SEMA3D: variants seen among roughly 807,000 people sequenced by gnomAD.
The protein encoded by SEMA3D is semaphorin-3D.
SEMA3D carries 84 observed loss-of-function variants against 100.1 expected under a neutral mutation model. That is an observed-to-expected ratio of 0.84 (90% confidence interval 0.70 to 1.01). The LOEUF (loss-of-function observed/expected upper bound fraction) is 1.01. Among genes scored for constraint, SEMA3D ranks in the 50% least tolerant of loss-of-function variants. The pLI, the probability that SEMA3D is intolerant of heterozygous loss-of-function variation, is 0.00. For synonymous variants in SEMA3D, 312 were observed against 320.7 expected, an observed-to-expected ratio of 0.97 and a Z score of 0.29; for missense variants, 875 against 934.1, an observed-to-expected ratio of 0.94 and a Z score of 0.82.
chr7:85,067,542 G>GA (rs11374190), intron 7 of SEMA3D, among the ~76,000 whole-genome samples: 43,013 of 152,024 alleles, frequency 0.28, 10,369 homozygotes, highest in African/African-American at 0.67. Flanking sequence ...CTGAAGTCAT[G>GA]ACCAAACCAA....
chr7:85,069,085 G>A (rs943201808), intron 6 of SEMA3D, among the ~76,000 whole-genome samples: 7 of 152,078 alleles, frequency 4.6e-5, no homozygotes, highest in Non-Finnish European at 1.5e-5. Context: ...CAGCAGAAAG[G>A]ATGATGACTC....
At chr7:85,141,517 C>G in intron 2 of SEMA3D, 2 of 984,938 alleles carry the variant, frequency 2.0e-6, no homozygotes, top group Non-Finnish European at 2.4e-6. Context: ...GATCACTGCC[C>G]TACATGAATG....
At chr7:85,007,009 G>A in intron 17 of SEMA3D, 68 bp from the exon 18 acceptor site, 3 of 1,214,568 alleles carry the variant, frequency 2.5e-6, no homozygotes, top group Non-Finnish European at 3.5e-6. Flanking sequence ...AAAACAGACT[G>A]ATTCAGAACA....
the SEMA3D span, among the ~76,000 whole-genome samples, chr7:85,220,802 C>A: frequency 6.6e-6 from 1 of 152,214 alleles, no homozygotes; most frequent in South Asian, 2.1e-4. Context: ...CTCATTGTTT[C>A]TTTGATCCAA....
chr7:85,155,963 TC>T (rs1019545006), intron 1 of SEMA3D, among the ~76,000 whole-genome samples: 70 of 152,282 alleles, frequency 4.6e-4, no homozygotes, highest in African/African-American at 1.3e-3. Flanking sequence ...CACTGGCCTA[TC>T]CAATTATTAA....
At chr7:85,198,232 T>C in the SEMA3D span, among the ~76,000 whole-genome samples, 1 of 152,122 alleles carries the variant, frequency 6.6e-6, no homozygotes, top group Non-Finnish European at 1.5e-5. Flanking sequence ...ACAGGTTTTG[T>C]CTGTTTCTTA....
the SEMA3D span, among the ~76,000 whole-genome samples, chr7:85,240,082 C>G: frequency 6.6e-6 from 1 of 152,018 alleles, no homozygotes; most frequent in African/African-American, 2.4e-5. Flanking sequence ...ACATCCTTGT[C>G]TTTTTCTTGA....
At chr7:85,218,930 T>A in the SEMA3D span, among the ~76,000 whole-genome samples, 1 of 152,142 alleles carries the variant, frequency 6.6e-6, no homozygotes, top group Admixed American at 6.6e-5. Flanking sequence ...ATTTAATGTA[T>A]CACTCAAGTT....
intron 1 of SEMA3D, among the ~76,000 whole-genome samples, chr7:85,185,359 C>T (rs1351065313): frequency 6.6e-6 from 1 of 152,046 alleles, no homozygotes; most frequent in Non-Finnish European, 1.5e-5. Flanking sequence ...CCCGCCATCC[C>T]CCGCTAGCGC....
At chr7:85,028,384 CAAAAA>C (rs61589019) in intron 12 of SEMA3D, 2,041 of 182,580 alleles carry the variant, frequency 0.011, no homozygotes, top group South Asian at 0.018. Flanking sequence ...ACAGTTTAGA[CAAAAA>C]AAAAAAAAAA....
In SEMA3D at chr7:85,015,177, G is replaced by A. The variant is rs1257058563; in HGVS notation, c.1585C>T (p.Leu529Phe). ...YIGSRDGLVQLSLHRCDTYGK... is the reference protein window; with the variant it reads ...YIGSRDGLVQFSLHRCDTYGK... ...TAAGTGTCGCATCTGTGCAAGGAGAGCTGAACCAATCCATCTCGGGAACCA... is the reference window on the plus strand; with the variant it reads ...TAAGTGTCGCATCTGTGCAAGGAGAACTGAACCAATCCATCTCGGGAACCA... The change falls in exon 16 of 19, where the codon CTC (leucine) becomes TTC (phenylalanine). Residue 529 changes from leucine (L) to phenylalanine (F), a missense_variant. By Grantham distance (22) the Leu-to-Phe change is conservative (BLOSUM62 0). Transcript: ENST00000284136. 1 of 1,611,426 alleles carries A rather than the reference G, an allele frequency of 6.2e-7. No homozygotes were observed. The highest frequency in any genetic ancestry group is 8.5e-7 in the Non-Finnish European group (1 of 1,178,228).
chr7:85,073,043 AT>A lies in SEMA3D; in HGVS notation c.413del (p.Tyr138LeufsTer34). The A allele has an allele frequency of 6.2e-7, 1 of 1,612,606 alleles. No individual in the cohort carries two copies. On this transcript the variant is annotated frameshift_variant, in exon 6 of 19. Coordinates refer to ENST00000284136, the MANE Select transcript of SEMA3D (RefSeq NM_001384900.1). LOFTEE classifies it high-confidence loss of function. ...CANFIRVLQP[Y>X]NKTHIYVCGT... ...CACACACATATATGTGAGTTTTGTT[AT>A]AGGGCTGAAGTACTCTGATGAAATT...
At position 84,998,953 on chromosome 7, in the gene SEMA3D, T is replaced by C. The variant is rs1437102641; in HGVS notation, c.*487A>G. Reference sequence around the variant, plus strand: ...GAATGGCTCACTGAGAAAGTTCCTGTTGATAATGGGAGTTGTCTTAATTTG... The same window carrying C: ...GAATGGCTCACTGAGAAAGTTCCTGCTGATAATGGGAGTTGTCTTAATTTG... On this transcript the variant is annotated 3_prime_UTR_variant, in exon 19 of 19. Coordinates refer to ENST00000284136, the MANE Select transcript of SEMA3D (RefSeq NM_001384900.1). 2 of 157,218 alleles carry C rather than the reference T, an allele frequency of 1.3e-5. No individual in the cohort carries two copies. The highest frequency in any genetic ancestry group is 4.8e-5 in the African/African-American group (2 of 41,474). The allele number at this position is 157,218 out of a possible 1,614,324, so 9.7% of individuals were successfully genotyped here. A position where few individuals can be genotyped will look rare whatever the true frequency, so the allele number is the denominator to read the frequency against.
In SEMA3D at chr7:85,015,045, C is replaced by T. The variant is rs1299831008; in HGVS notation, c.1703+14G>A. ...AGAAAGGAAGCCTTTATATTAACTC[C>T]ATGTGCCTCTTACCTTTTAGAAGTA... On this transcript the variant is annotated intron_variant, in intron 16 of 18. Coordinates refer to ENST00000284136, the MANE Select transcript of SEMA3D (RefSeq NM_001384900.1). The T allele has an allele frequency of 3.1e-6, 5 of 1,604,544 alleles. No individual in the cohort carries two copies. Among genetic ancestry groups the T allele is most frequent in the East Asian group, 2.2e-5 (1 of 44,656 alleles).
chr7:85,149,736 G>A (rs1790313328), intron 2 of SEMA3D, among the ~76,000 whole-genome samples: 2 of 152,090 alleles, frequency 1.3e-5, no homozygotes, highest in Admixed American at 1.3e-4. Flanking sequence ...TCTCAATTAA[G>A]ATTCAGGGGC....
chr7:85,244,948 G>C, the SEMA3D span, among the ~76,000 whole-genome samples: 1 of 152,068 alleles, frequency 6.6e-6, no homozygotes, highest in Non-Finnish European at 1.5e-5. Context: ...CTGACCTTGT[G>C]ATCTGCCCAC....
Position 85,107,989 on chromosome 7 carries a change from A to G in SEMA3D, c.152-10024T>C, listed in dbSNP as rs1005085884. Among the ~76,000 whole-genome samples the G allele has an allele frequency of 4.6e-5, 7 of 152,024 alleles. 1 individual carries two copies. Among genetic ancestry groups the G allele is most frequent in the Admixed American group, 3.9e-4 (6 of 15,232 alleles). On this transcript the variant is annotated intron_variant, in intron 3 of 18. Coordinates refer to ENST00000284136, the MANE Select transcript of SEMA3D (RefSeq NM_001384900.1). ...CCCCAATCACAATTAAATTAGGTCAATTTCATGATGAAAATACTCCAATAC... is the reference window on the plus strand; with the variant it reads ...CCCCAATCACAATTAAATTAGGTCAGTTTCATGATGAAAATACTCCAATAC...
chr7:85,029,889 T>C (rs919672014), intron 12 of SEMA3D, among the ~76,000 whole-genome samples: 1 of 151,982 alleles, frequency 6.6e-6, no homozygotes, highest in Non-Finnish European at 1.5e-5. Context: ...GTATTGTAAG[T>C]GGAAAATGCA....
chr7:85,008,665 G>T (rs943131208), intron 17 of SEMA3D, among the ~76,000 whole-genome samples: 1 of 151,698 alleles, frequency 6.6e-6, no homozygotes, highest in African/African-American at 2.4e-5. Flanking sequence ...CTTGATAGTT[G>T]CAGTCAAAAG....
Sources: allele counts gnomAD v4.1 joint callset (sites outside exome capture counted in the v4.1 genomes callset), GRCh38; gene constraint gnomAD v4.1.1; transcripts MANE v1.5; gene names NCBI Gene and HGNC (gene_info 2026-07-23, HGNC 2026-07-21).